Variants in HEMGN observed in about 807,000 individuals in gnomAD.
The protein encoded by HEMGN is hemogen, also known as erythroid differentiation-associated gene protein.
HEMGN carries 32 observed loss-of-function variants against 45.7 expected under a neutral mutation model. That is an observed-to-expected ratio of 0.70 (90% CI 0.53 to 0.94). HEMGN has a LOEUF of 0.94. Among genes scored for constraint, HEMGN ranks in the 40% least tolerant of loss-of-function variants. HEMGN has a pLI of 0.00. For synonymous variants in HEMGN, 183 were observed against 178.6 expected (o/e 1.02, Z -0.20); for missense variants, 530 against 564.2 (o/e 0.94, Z 0.61).
intron 1 of HEMGN, among the ~76,000 whole-genome samples, chr9:97,937,351 A>G (rs532500045): frequency 1.3e-5 from 2 of 152,154 alleles, no homozygotes; most frequent in South Asian, 2.1e-4. Flanking sequence ...TCTATTATCT[A>G]TTCTTCCTGA....
At chr9:97,941,349 T>C (rs1827149795), upstream of HEMGN, among the ~76,000 whole-genome samples, 1 of 152,130 alleles carries the variant, frequency 6.6e-6, no homozygotes, top group Admixed American at 6.5e-5. Context: ...AAGCCTATTA[T>C]TGCCCCTTGT....
intron 2 of HEMGN, among the ~76,000 whole-genome samples, chr9:97,931,834 A>G (rs780442712): frequency 6.6e-6 from 1 of 152,236 alleles, no homozygotes; most frequent in Non-Finnish European, 1.5e-5. Context: ...TTAAGAAGTC[A>G]GGTAGATAGG....
chr9:97,933,395 C>T (rs1280132469), intron 2 of HEMGN, among the ~76,000 whole-genome samples: 1 of 152,096 alleles, frequency 6.6e-6, no homozygotes, highest in Non-Finnish European at 1.5e-5. Context: ...TTTCATTTTG[C>T]AAATGACAAA....
chr9:97,930,851 C>G lies in HEMGN; in HGVS notation c.544G>C (p.Val182Leu), dbSNP rs1401534047. The G allele has an allele frequency of 6.2e-7, 1 of 1,614,096 alleles. No homozygotes were observed. Among genetic ancestry groups the G allele is most frequent in the Non-Finnish European group, 8.5e-7 (1 of 1,179,954 alleles). Reference protein sequence around the residue: ...LSPKMYQEISVLQDNSSKICQ... With the variant: ...LSPKMYQEISLLQDNSSKICQ... Reference sequence around the variant, plus strand: ...ATTTTGGAAGAATTGTCTTGAAGTACAGATATTTCTTGGTACATTTTAGGA... The same window carrying G: ...ATTTTGGAAGAATTGTCTTGAAGTAGAGATATTTCTTGGTACATTTTAGGA... Residue 182 changes from valine to leucine, a missense_variant, in exon 3 of 4, where the codon GTA becomes CTA. By Grantham distance (32) the Val-to-Leu change is conservative. Coordinates refer to ENST00000616898, the MANE Select transcript of HEMGN (RefSeq NM_197978.3).
chr9:97,927,664 AAC>A (rs1020821422), intron 3 of HEMGN, among the ~76,000 whole-genome samples, 186 bp from the exon 4 acceptor site: 1 of 152,214 alleles, frequency 6.6e-6, no homozygotes, highest in Non-Finnish European at 1.5e-5. Flanking sequence ...TGCTAAGCAG[AAC>A]ACAGAGACCA....
chr9:97,926,928 A>G lies in HEMGN; in HGVS notation c.*456T>C, dbSNP rs1482075953. 6.6e-6 allele frequency: 1 copy of G among 152,532 alleles called. No homozygotes were observed. Among genetic ancestry groups the G allele is most frequent in the East Asian group, 1.9e-4 (1 of 5,204 alleles). The allele number at this position is 152,532 out of a possible 1,614,324, so 9.4% of individuals were successfully genotyped here. A position where few individuals can be genotyped will look rare whatever the true frequency, so the allele number is the denominator to read the frequency against. On this transcript the variant is annotated 3_prime_UTR_variant, in exon 4 of 4. Coordinates refer to ENST00000616898, the MANE Select transcript of HEMGN (RefSeq NM_197978.3). ...ATATCTTTTAAGGAGAATTGTTAAA[A>G]CTGACCAAAAGAGTCAACTAAAGCC...
rs758753533 is a variant in HEMGN, at chr9:97,930,315, A to G, written c.1080T>C (p.Thr360=). The change falls in exon 3 of 4, where the codon ACT becomes ACC. Residue 360 remains threonine (T), a synonymous_variant. Coordinates refer to ENST00000616898, the MANE Select transcript of HEMGN (RefSeq NM_197978.3). The part of the protein sequence containing the change: ...EDYSIEINQE[T]PGSEKYSPET... ...CAGGTGAATATTTTTCAGACCCAGG[A>G]GTTTCTTGGTTTATTTCAATTGAAT... 3 of 1,613,426 alleles carry G rather than the reference A, an allele frequency of 1.9e-6. No homozygotes were observed. The highest frequency in any genetic ancestry group is 1.1e-5 in the South Asian group (1 of 91,004).
In HEMGN at chr9:97,930,864, G is replaced by A; in HGVS notation, c.531C>T (p.Tyr177=). Residue 177 remains tyrosine (Y), a synonymous_variant, in exon 3 of 4, where the codon TAC becomes TAT. Transcript: ENST00000616898. ...TGTCTTGAAGTACAGATATTTCTTG[G>A]TACATTTTAGGAGAGAGGTCTTCAG... The part of the protein sequence containing the change: ...SEPEDLSPKM[Y]QEISVLQDNS... 1 of 1,614,002 alleles carries A rather than the reference G, an allele frequency of 6.2e-7. No individual in the cohort carries two copies. The highest frequency in any genetic ancestry group is 8.5e-7 in the Non-Finnish European group (1 of 1,179,940).
intron 3 of HEMGN, 28 bp from the exon 4 acceptor site, chr9:97,927,506 G>T: frequency 1.4e-6 from 2 of 1,447,590 alleles, no homozygotes; most frequent in Non-Finnish European, 1.9e-6. Context: ...ATAAAAAATA[G>T]ATTCAATAAA....
intron 1 of HEMGN, among the ~76,000 whole-genome samples, chr9:97,937,857 A>G (rs1827089733): frequency 6.6e-6 from 1 of 152,118 alleles, no homozygotes; most frequent in South Asian, 2.1e-4. Context: ...CAAACGTTAG[A>G]CCAAATTTGT....
intron 2 of HEMGN, among the ~76,000 whole-genome samples, chr9:97,934,603 C>T (rs1303446551): frequency 2.0e-5 from 3 of 152,030 alleles, no homozygotes; most frequent in Admixed American, 2.0e-4. Context: ...TTCAATAGAC[C>T]TGCCACAGGA....
At position 97,931,046 on chromosome 9, in the gene HEMGN, C is replaced by T. The variant is rs1439344180; in HGVS notation, c.349G>A (p.Val117Ile). Reference protein sequence around the residue: ...KTEPPGSITKVFPSVASPQKV... With the variant: ...KTEPPGSITKIFPSVASPQKV... ...TGCGGGGAGGCTACTGAAGGAAATACTTTGGTTATGCTCCCAGGTGGCTCA... is the reference window on the plus strand; with the variant it reads ...TGCGGGGAGGCTACTGAAGGAAATATTTTGGTTATGCTCCCAGGTGGCTCA... The change falls in exon 3 of 4, where the codon GTA (valine) becomes ATA (isoleucine). Residue 117 changes from valine (V) to isoleucine (I), a missense_variant. Transcript: ENST00000616898. 3.7e-6 allele frequency: 6 copies of T among 1,614,108 alleles called. No individual in the cohort carries two copies. In the South Asian group the frequency reaches 5.5e-5, roughly 15 times the overall value.
intron 3 of HEMGN, 42 bp downstream of exon 3, chr9:97,929,993 T>A: frequency 7.0e-7 from 1 of 1,423,084 alleles, no homozygotes; most frequent in Non-Finnish European, 9.8e-7. Context: ...ATCACTACTC[T>A]GGGGGAGATG....
upstream of HEMGN, among the ~76,000 whole-genome samples, chr9:97,939,963 C>T (rs988752764): frequency 5.9e-5 from 9 of 152,148 alleles, no homozygotes; most frequent in African/African-American, 2.2e-4. Flanking sequence ...GTTTAAATAA[C>T]TCAAACTAAC....
chr9:97,938,417 C>G (rs145749380), upstream of HEMGN: 97 of 312,358 alleles, frequency 3.1e-4, no homozygotes, highest in East Asian at 5.7e-3. Flanking sequence ...CTGACCACAG[C>G]CTGGCATGGC....
chr9:97,941,105 G>A (rs55832539), upstream of HEMGN, among the ~76,000 whole-genome samples: 939 of 152,238 alleles, frequency 6.2e-3, 10 homozygotes, highest in African/African-American at 0.022. Context: ...GGTGATAAGT[G>A]CTTTGGAGAA....
chr9:97,926,810 T>C lies in HEMGN; in HGVS notation c.*574A>G, dbSNP rs961829329. The stretch of plus-strand genomic sequence containing the variant: ...ACACAGTTAAGCATGTAATAATGAT[T>C]TAATGTACATTGTGCACAAATACAA... On this transcript the variant is annotated 3_prime_UTR_variant, in exon 4 of 4. Transcript: ENST00000616898. 17 of 152,572 alleles carry C rather than the reference T, an allele frequency of 1.1e-4. 1 individual carries two copies. Among genetic ancestry groups the C allele is most frequent in the Non-Finnish European group, 7.4e-5 (5 of 68,016 alleles). 9.5% of individuals were successfully genotyped at this position (152,572 alleles called of 1,614,324 possible).
chr9:97,929,723 G>C (rs961018303), intron 3 of HEMGN, among the ~76,000 whole-genome samples: 2 of 152,104 alleles, frequency 1.3e-5, no homozygotes, highest in Non-Finnish European at 2.9e-5. Context: ...TGTTAATGTA[G>C]ACTTAATTTT....
At chr9:97,931,430 A>T (rs1826951596) in intron 2 of HEMGN, among the ~76,000 whole-genome samples, 2 of 152,094 alleles carry the variant, frequency 1.3e-5, no homozygotes, top group African/African-American at 2.4e-5. Flanking sequence ...TTTCTCCAGG[A>T]CTTCGTGGCA....
Sources: allele counts gnomAD v4.1 joint callset (sites outside exome capture counted in the v4.1 genomes callset), GRCh38; gene constraint gnomAD v4.1.1; transcripts MANE v1.5; gene names NCBI Gene and HGNC (gene_info 2026-07-23, HGNC 2026-07-21).